LYPLAL1: variants seen among roughly 807,000 people sequenced by gnomAD.
LYPLAL1 encodes the protein lysophospholipase like 1.
Under a neutral mutation model 19.7 loss-of-function variants are expected in LYPLAL1, and 23 were observed. The ratio of observed to expected loss-of-function variants is 1.17; its 90% confidence interval spans 0.84 to 1.65. The LOEUF is 1.65. Ranked by LOEUF, LYPLAL1 falls within the 40% of genes most tolerant of loss-of-function variation. The pLI, the probability that LYPLAL1 is intolerant of heterozygous loss-of-function variation, is 0.00. For synonymous variants in LYPLAL1, 119 were observed against 96.3 expected (o/e 1.24, Z -1.38); for missense variants, 355 against 279.4 (o/e 1.27, Z -1.93).
the LYPLAL1 span, among the ~76,000 whole-genome samples, chr1:219,233,754 A>G: frequency 7.3e-6 from 1 of 137,312 alleles, no homozygotes; most frequent in Non-Finnish European, 1.6e-5. Context: ...TCTCAGTGAC[A>G]GAGAGAGACC....
At chr1:219,287,090 G>T in the LYPLAL1 span, among the ~76,000 whole-genome samples, 1 of 152,134 alleles carries the variant, frequency 6.6e-6, no homozygotes, top group Non-Finnish European at 1.5e-5. Context: ...GCTCCTTGAG[G>T]TATCGGTTTG....
chr1:219,231,923 A>AT, the LYPLAL1 span, among the ~76,000 whole-genome samples: 1 of 152,228 alleles, frequency 6.6e-6, no homozygotes, highest in African/African-American at 2.4e-5. Context: ...TTTTCACTTA[A>AT]TAATAAATGC....
chr1:219,413,469 A>C, the LYPLAL1 span, among the ~76,000 whole-genome samples: 2 of 152,240 alleles, frequency 1.3e-5, no homozygotes, highest in Non-Finnish European at 2.9e-5. Flanking sequence ...TGTTTTAAGA[A>C]TCAGATAACT....
chr1:219,325,468 A>AC, the LYPLAL1 span, among the ~76,000 whole-genome samples: 1 of 152,196 alleles, frequency 6.6e-6, no homozygotes, highest in Non-Finnish European at 1.5e-5. Context: ...ACTCATGAAG[A>AC]CCACTATAGT....
chr1:219,192,049 T>C lies in LYPLAL1; in HGVS notation c.192-1033T>C, dbSNP rs570494402. Among the ~76,000 whole-genome samples, 3 of 151,574 alleles carry C rather than the reference T, an allele frequency of 2.0e-5. No homozygotes were observed. The South Asian group carries it at 6.2e-4, about 31-fold the overall frequency. On this transcript the variant is annotated intron_variant, in intron 2 of 4. Transcript: ENST00000366928. Reference sequence around the variant, plus strand: ...GTCCATTTATTTTGGGGTGGTATGATCAATATTGAAAAATGGTGTAATTTT... The same window carrying C: ...GTCCATTTATTTTGGGGTGGTATGACCAATATTGAAAAATGGTGTAATTTT...
the LYPLAL1 span, among the ~76,000 whole-genome samples, chr1:219,229,176 C>T: frequency 0.97 from 147,082 of 151,928 alleles, 71,387 homozygotes; most frequent in East Asian, 1. Flanking sequence ...ATATTTCTTC[C>T]GATATGGAAG....
chr1:219,211,858 T>A lies in LYPLAL1; in HGVS notation c.*130T>A. 1 of 610,386 alleles carries A rather than the reference T, an allele frequency of 1.6e-6. No homozygotes were observed. Among genetic ancestry groups the A allele is most frequent in the East Asian group, 2.8e-5 (1 of 35,144 alleles). 37.8% of individuals were successfully genotyped at this position (610,386 alleles called of 1,614,324 possible). On this transcript the variant is annotated 3_prime_UTR_variant, in exon 5 of 5. Transcript: ENST00000366928. The stretch of plus-strand genomic sequence containing the variant: ...CTGACTTTTTTATTATTAAAATGCT[T>A]ATCACTGTAGACAGTAGCTAATCTT...
chr1:219,292,230 T>A, the LYPLAL1 span, among the ~76,000 whole-genome samples: 2 of 152,304 alleles, frequency 1.3e-5, no homozygotes, highest in South Asian at 2.1e-4. Flanking sequence ...CCTGGGAATG[T>A]GAAAGCCCTG....
rs755823672 is a variant in LYPLAL1, at chr1:219,211,723, AAATG to A, written c.*3_*6del. The A allele has an allele frequency of 3.1e-6, 5 of 1,593,028 alleles. No homozygotes were observed. Among genetic ancestry groups the A allele is most frequent in the Middle Eastern group, 3.4e-4 (2 of 5,862 alleles). On this transcript the variant is annotated frameshift_variant and stop_lost, in exon 5 of 5. Coordinates refer to ENST00000366928, the MANE Select transcript of LYPLAL1 (RefSeq NM_138794.5). LOFTEE classifies it high-confidence loss of function. ...GCTGCCAGGAGAAATGGAAAAACAAAAATGAATGAATCAAGAGTGATTTGTTAAT... is the reference window on the plus strand; with the variant it reads ...GCTGCCAGGAGAAATGGAAAAACAAAAATGAATCAAGAGTGATTTGTTAAT...
the LYPLAL1 span, among the ~76,000 whole-genome samples, chr1:219,306,807 T>C: frequency 0.022 from 2,718 of 125,918 alleles, 102 homozygotes; most frequent in East Asian, 0.11. Flanking sequence ...GATGCATAGA[T>C]AGATATAGAT....
the LYPLAL1 span, among the ~76,000 whole-genome samples, chr1:219,405,192 TCTGCATTAACAGCATAAGTCTGCATGGA>T: frequency 6.6e-6 from 1 of 152,324 alleles, no homozygotes; most frequent in East Asian, 1.9e-4. Flanking sequence ...CTTTCCCTCT[TCTGCATTAACAGCATAAGTCTGCATGGA>T]GCTCATATTG....
the LYPLAL1 span, among the ~76,000 whole-genome samples, chr1:219,296,159 G>A: frequency 1.3e-5 from 2 of 152,152 alleles, no homozygotes; most frequent in African/African-American, 4.8e-5. Context: ...GGCAATATAT[G>A]GACACATAAA....
At chr1:219,374,584 A>G in the LYPLAL1 span, among the ~76,000 whole-genome samples, 1 of 151,922 alleles carries the variant, frequency 6.6e-6, no homozygotes, top group Admixed American at 6.5e-5. Context: ...GATACTGACT[A>G]TTTACATCCT....
chr1:219,176,534 T>C (rs1004942983), intron 1 of LYPLAL1, among the ~76,000 whole-genome samples: 1 of 152,194 alleles, frequency 6.6e-6, no homozygotes, highest in Non-Finnish European at 1.5e-5. Flanking sequence ...TGCATTCAGC[T>C]TTCTTCTCAA....
chr1:219,213,845 C>T (rs1231180867), downstream of LYPLAL1, among the ~76,000 whole-genome samples: 1 of 152,024 alleles, frequency 6.6e-6, no homozygotes, highest in African/African-American at 2.4e-5. Context: ...CAAACTGAAA[C>T]AGTGTTATTT....
the LYPLAL1 span, among the ~76,000 whole-genome samples, chr1:219,346,857 G>C: frequency 3.3e-5 from 5 of 152,202 alleles, no homozygotes; most frequent in Admixed American, 2.0e-4. Context: ...AGCACGCCCT[G>C]CCTCTCTGAA....
chr1:219,404,072 A>G, the LYPLAL1 span, among the ~76,000 whole-genome samples: 9 of 152,128 alleles, frequency 5.9e-5, no homozygotes, highest in Non-Finnish European at 1.5e-5. Flanking sequence ...AGGAAGACAG[A>G]GAAGGAGGAG....
At chr1:219,182,507 C>T (rs562815544) in intron 2 of LYPLAL1, among the ~76,000 whole-genome samples, 1 of 152,214 alleles carries the variant, frequency 6.6e-6, no homozygotes, top group Non-Finnish European at 1.5e-5. Context: ...TGCTACCTTT[C>T]CGGTGACGTC....
chr1:219,432,213 C>A, the LYPLAL1 span, among the ~76,000 whole-genome samples: 1 of 151,732 alleles, frequency 6.6e-6, no homozygotes, highest in Non-Finnish European at 1.5e-5. Flanking sequence ...TGAAATGTTA[C>A]CCCCTGCTGG....
Sources: allele counts gnomAD v4.1 joint callset (sites outside exome capture counted in the v4.1 genomes callset), GRCh38; gene constraint gnomAD v4.1.1; transcripts MANE v1.5; gene names NCBI Gene and HGNC (gene_info 2026-07-23, HGNC 2026-07-21).